Variants in DEPDC1B observed in about 807,000 individuals in gnomAD.
The protein encoded by DEPDC1B is DEP domain containing 1B.
In DEPDC1B, 51 loss-of-function variants were observed where a neutral mutation model predicts 66.5. The ratio of observed to expected loss-of-function variants is 0.77; its 90% CI spans 0.61 to 0.97. DEPDC1B has a LOEUF of 0.97. Among genes scored for constraint, DEPDC1B ranks in the 50% least tolerant of loss-of-function variants. The pLI is 0.00. For synonymous variants in DEPDC1B, 226 were observed against 223.6 expected (o/e 1.01, Z -0.10); for missense variants, 552 against 637.1 (o/e 0.87, Z 1.44).
chr5:60,602,452 G>A (rs1200305696), intron 9 of DEPDC1B, among the ~76,000 whole-genome samples: 2 of 152,036 alleles, frequency 1.3e-5, no homozygotes, highest in African/African-American at 4.8e-5. Context: ...CTCAGAAGGA[G>A]GCAGTTCACT....
chr5:60,605,325 A>T (rs1335728950), intron 8 of DEPDC1B, among the ~76,000 whole-genome samples: 4 of 152,220 alleles, frequency 2.6e-5, no homozygotes, highest in Non-Finnish European at 5.9e-5. Flanking sequence ...TTACAAAAAA[A>T]TGATAAGTTG....
chr5:60,694,393 T>C, intron 1 of DEPDC1B, among the ~76,000 whole-genome samples: 1 of 152,236 alleles, frequency 6.6e-6, no homozygotes, highest in Admixed American at 6.5e-5. Flanking sequence ...TTTTTACAAA[T>C]ATGTTACAAG....
chr5:60,642,461 G>A (rs1014740405), intron 6 of DEPDC1B, among the ~76,000 whole-genome samples: 1 of 152,144 alleles, frequency 6.6e-6, no homozygotes, highest in Non-Finnish European at 1.5e-5. Flanking sequence ...GACCACCCTG[G>A]TCCAGGCCCT....
At chr5:60,694,405 T>C (rs967946225) in intron 1 of DEPDC1B, among the ~76,000 whole-genome samples, 3 of 152,232 alleles carry the variant, frequency 2.0e-5, no homozygotes, top group African/African-American at 7.2e-5. Context: ...TGTTACAAGT[T>C]ATACTTGTTT....
intron 2 of DEPDC1B, among the ~76,000 whole-genome samples, chr5:60,682,350 C>G (rs1355730776): frequency 6.6e-6 from 1 of 152,192 alleles, no homozygotes; most frequent in South Asian, 2.1e-4. Flanking sequence ...GACCATCACA[C>G]ACTGGGGCCT....
intron 1 of DEPDC1B, among the ~76,000 whole-genome samples, chr5:60,699,573 C>A (rs1022074794): frequency 6.6e-6 from 1 of 152,032 alleles, no homozygotes; most frequent in African/African-American, 2.4e-5. Flanking sequence ...ATGCGGCCAG[C>A]GCGATGCCCC....
chr5:60,696,733 T>C (rs1041523560), intron 1 of DEPDC1B, among the ~76,000 whole-genome samples: 1 of 152,244 alleles, frequency 6.6e-6, no homozygotes, highest in African/African-American at 2.4e-5. Context: ...TTCAGTCCCC[T>C]AGTTTCTCAG....
intron 7 of DEPDC1B, among the ~76,000 whole-genome samples, chr5:60,637,253 G>C (rs1753064555): frequency 6.6e-6 from 1 of 152,138 alleles, no homozygotes; most frequent in African/African-American, 2.4e-5. Flanking sequence ...GGATCATGGG[G>C]GCAGTTTCTA....
intron 7 of DEPDC1B, among the ~76,000 whole-genome samples, chr5:60,619,974 G>T (rs1259137448): frequency 6.6e-6 from 1 of 152,124 alleles, no homozygotes; most frequent in African/African-American, 2.4e-5. Context: ...AGAGCCCTCA[G>T]AAATAATGCC....
chr5:60,622,558 T>C (rs921841685), intron 7 of DEPDC1B, among the ~76,000 whole-genome samples: 3 of 152,202 alleles, frequency 2.0e-5, no homozygotes, highest in African/African-American at 7.2e-5. Flanking sequence ...CTTAGATAAA[T>C]ACCTAGGAAT....
intron 2 of DEPDC1B, among the ~76,000 whole-genome samples, chr5:60,654,927 T>G (rs1753542946): frequency 6.7e-6 from 1 of 149,198 alleles, no homozygotes; most frequent in African/African-American, 2.5e-5. Flanking sequence ...TATATCACAT[T>G]TATTGACTTG....
Position 60,644,094 on chromosome 5 carries a change from A to G in DEPDC1B, c.709+651T>C, listed in dbSNP as rs1032046305. On this transcript the variant is annotated intron_variant, in intron 5 of 10. Transcript: ENST00000265036. ...TTTGAACTAAAGGAAGAACAAATCAATGAGCCCATCCAAATCTGGTCCTTA... is the reference window on the plus strand; with the variant it reads ...TTTGAACTAAAGGAAGAACAAATCAGTGAGCCCATCCAAATCTGGTCCTTA... 5.3e-5 allele frequency among the ~76,000 whole-genome samples: 8 copies of G among 152,352 alleles called. No individual in the cohort carries two copies. In the South Asian group the frequency reaches 1.4e-3, roughly 28 times the overall value.
chr5:60,678,379 C>T (rs529241423), intron 2 of DEPDC1B, among the ~76,000 whole-genome samples: 11 of 152,130 alleles, frequency 7.2e-5, no homozygotes, highest in Non-Finnish European at 1.0e-4. Context: ...ATTCACTTAA[C>T]GAGTTTTTGT....
intron 7 of DEPDC1B, among the ~76,000 whole-genome samples, chr5:60,632,097 T>C (rs1490875480): frequency 6.6e-6 from 1 of 152,226 alleles, no homozygotes; most frequent in African/African-American, 2.4e-5. Flanking sequence ...ACAATTTGTC[T>C]ATTTTGTTGC....
intron 4 of DEPDC1B, 38 bp from the exon 5 acceptor site, chr5:60,644,913 TA>T (rs1753275567): frequency 2.0e-6 from 3 of 1,468,674 alleles, no homozygotes; most frequent in African/African-American, 1.4e-5. Context: ...GTTCTGTCTT[TA>T]ATATTATATT....
intron 2 of DEPDC1B, among the ~76,000 whole-genome samples, chr5:60,672,499 C>T (rs755326279): frequency 6.6e-6 from 1 of 152,168 alleles, no homozygotes; most frequent in East Asian, 1.9e-4. Flanking sequence ...ACCATCAGAT[C>T]TCGTGATAAC....
intron 2 of DEPDC1B, among the ~76,000 whole-genome samples, chr5:60,650,813 A>T (rs966512998): frequency 6.6e-6 from 1 of 152,172 alleles, no homozygotes; most frequent in Non-Finnish European, 1.5e-5. Context: ...TGATCTTGCC[A>T]CTACTGTATC....
Position 60,686,974 on chromosome 5 carries a change from C to T in DEPDC1B, c.302G>A (p.Arg101His), listed in dbSNP as rs747550036. 27 of 1,614,070 alleles carry T rather than the reference C, an allele frequency of 1.7e-5. No individual in the cohort carries two copies. Among genetic ancestry groups the T allele is most frequent in the East Asian group, 1.6e-4 (7 of 44,890 alleles). ...ATGTTGCCATTACCTGTATAAGTGA[C>T]GATTGTCTTCAAAATCTTCCTCACC... is the stretch of plus-strand genomic sequence containing the variant. ...KWGEEDFEDN[R>H]HLYRFPPSSP... Residue 101 changes from arginine to histidine, a missense_variant, in exon 2 of 11, where the codon CGT becomes CAT. By Grantham distance (29) the Arg-to-His change is conservative (BLOSUM62 0). Coordinates refer to ENST00000265036, the MANE Select transcript of DEPDC1B (RefSeq NM_018369.3).
rs1753220356 is a variant in DEPDC1B, at chr5:60,642,771, T to A, written c.757+41A>T. 1.9e-6 allele frequency: 3 copies of A among 1,565,926 alleles called. No individual in the cohort carries two copies. The East Asian group carries it at 6.8e-5, about 35-fold the overall frequency. Reference sequence around the variant, plus strand: ...ATTTTTCCTAATTTAGGGCACTAATTTCTGTTAATTTCACAAAACTGGCAG... The same window carrying A: ...ATTTTTCCTAATTTAGGGCACTAATATCTGTTAATTTCACAAAACTGGCAG... On this transcript the variant is annotated intron_variant, in intron 6 of 10. Transcript: ENST00000265036.
Sources: allele counts gnomAD v4.1 joint callset (sites outside exome capture counted in the v4.1 genomes callset), GRCh38; gene constraint gnomAD v4.1.1; transcripts MANE v1.5; gene names NCBI Gene and HGNC (gene_info 2026-07-23, HGNC 2026-07-21).